GPC5: variants seen among roughly 807,000 people sequenced by gnomAD.
The protein encoded by GPC5 is glypican-5.
A neutral mutation model predicts 53.9 loss-of-function variants in GPC5; 47 were observed. The ratio of observed to expected loss-of-function variants is 0.87; its 90% confidence interval spans 0.69 to 1.11. GPC5 has a LOEUF of 1.11. Among genes scored for constraint, GPC5 ranks in the 50% most tolerant of loss-of-function variants. The probability of loss-of-function intolerance (pLI) is 0.00; values close to 1 mark genes in which losing one functional copy is unlikely to be tolerated. For synonymous variants in GPC5, 286 were observed against 263.3 expected, an observed-to-expected ratio of 1.09 and a Z score of -0.84; for missense variants, 748 against 713.1, an observed-to-expected ratio of 1.05 and a Z score of -0.56.
chr13:92,632,460 CCA>C (rs140483216), intron 7 of GPC5, among the ~76,000 whole-genome samples: 39,693 of 89,766 alleles, frequency 0.44, 6,649 homozygotes, highest in South Asian at 0.56. Context: ...AGAAAATATT[CCA>C]CATATATATA....
intron 5 of GPC5, among the ~76,000 whole-genome samples, chr13:91,815,800 G>A (rs374110652): frequency 3.9e-5 from 6 of 152,202 alleles, no homozygotes; most frequent in Non-Finnish European, 5.9e-5. Context: ...TCTTGAGTTA[G>A]ACATATTTTA....
At chr13:91,868,516 G>A (rs1033226683) in intron 5 of GPC5, among the ~76,000 whole-genome samples, 1 of 151,950 alleles carries the variant, frequency 6.6e-6, no homozygotes, top group African/African-American at 2.4e-5. Flanking sequence ...ACCAGACTGG[G>A]TAATATAGCA....
intron 7 of GPC5, among the ~76,000 whole-genome samples, chr13:92,404,141 A>C (rs1875687474): frequency 6.6e-6 from 1 of 152,220 alleles, no homozygotes; most frequent in South Asian, 2.1e-4. Context: ...ATTACTAGAA[A>C]GGAAGTTAAA....
intron 6 of GPC5, among the ~76,000 whole-genome samples, chr13:92,085,726 C>G (rs549542901): frequency 6.6e-6 from 1 of 152,250 alleles, no homozygotes; most frequent in South Asian, 2.1e-4. Flanking sequence ...TGATGGGAGA[C>G]AGTGACAGAT....
At chr13:91,478,206 T>C (rs890137348) in intron 2 of GPC5, among the ~76,000 whole-genome samples, 1 of 152,148 alleles carries the variant, frequency 6.6e-6, no homozygotes, top group Non-Finnish European at 1.5e-5. Flanking sequence ...TTAAAATTAC[T>C]CTTTTCATTA....
chr13:92,846,119 A>G (rs1429895590), intron 7 of GPC5, among the ~76,000 whole-genome samples: 2 of 152,250 alleles, frequency 1.3e-5, no homozygotes, highest in Non-Finnish European at 1.5e-5. Context: ...GGAAACTTAT[A>G]ATCATAGGAG....
rs1566567506 is a variant in GPC5 at position 92,385,445 on chromosome 13, C to CACAT, written c.1561+240457_1561+240458insCATA. Among the ~76,000 whole-genome samples the CACAT allele has an allele frequency of 1.1e-4, 9 of 83,288 alleles. 1 individual carries two copies. The highest frequency in any genetic ancestry group is 3.9e-4 in the African/African-American group (9 of 23,160). The allele number at this position is 83,288 out of a possible 152,430, so 54.6% of individuals were successfully genotyped here. ...ACATATATACATATATACATATATACATATATACATATATACACATATATA... is the reference window on the plus strand; with the variant it reads ...ACATATATACATATATACATATATACACATATATATACATATATACACATATATA... On this transcript the variant is annotated intron_variant, in intron 7 of 7. Transcript: ENST00000377067.
At position 91,908,023 on chromosome 13, in the gene GPC5, A is replaced by G. The variant is rs2138998152; in HGVS notation, c.1367A>G (p.Asn456Ser). 6.3e-7 allele frequency: 1 copy of G among 1,592,562 alleles called. No homozygotes were observed. Among genetic ancestry groups the G allele is most frequent in the Non-Finnish European group, 8.5e-7 (1 of 1,176,708 alleles). The change falls in exon 6 of 8, where the codon AAT becomes AGT. Residue 456 changes from asparagine (N) to serine (S), a missense_variant. Physicochemically the swap from Asn to Ser is conservative, Grantham distance 46. Transcript: ENST00000377067. ...GTCAAAGGAATTGATCCTGTGATAA[A>G]TCAGATTATTGATAAACTGAAGCAT... ...VKVKGIDPVINQIIDKLKHVV... is the reference protein window; with the variant it reads ...VKVKGIDPVISQIIDKLKHVV...
At chr13:92,523,201 C>CT (rs1262367207) in intron 7 of GPC5, among the ~76,000 whole-genome samples, 2 of 152,084 alleles carry the variant, frequency 1.3e-5, no homozygotes, top group Non-Finnish European at 2.9e-5. Context: ...CAGATATTCA[C>CT]TATTGACCTT....
intron 7 of GPC5, among the ~76,000 whole-genome samples, chr13:92,466,207 ATAG>A (rs1297898904): frequency 7.2e-5 from 11 of 152,196 alleles, no homozygotes; most frequent in East Asian, 3.9e-4. Context: ...TATAGTAGTA[ATAG>A]TAGTAGTATT....
intron 7 of GPC5, among the ~76,000 whole-genome samples, chr13:92,805,312 G>T (rs1223941093): frequency 2.6e-5 from 4 of 152,060 alleles, no homozygotes; most frequent in African/African-American, 9.7e-5. Context: ...AATAACTCAT[G>T]CATCCACAGG....
chr13:92,757,451 C>G (rs1477903013), intron 7 of GPC5, among the ~76,000 whole-genome samples: 1 of 152,144 alleles, frequency 6.6e-6, no homozygotes, highest in Non-Finnish European at 1.5e-5. Flanking sequence ...ACACCAAAAG[C>G]AATGGCAACA....
chr13:92,714,177 A>C (rs1473646559), intron 7 of GPC5, among the ~76,000 whole-genome samples: 2 of 152,162 alleles, frequency 1.3e-5, no homozygotes, highest in African/African-American at 4.8e-5. Context: ...GAAGTCAACA[A>C]ATATAGGAAC....
At chr13:92,641,066 A>T (rs1885580326) in intron 7 of GPC5, among the ~76,000 whole-genome samples, 1 of 152,158 alleles carries the variant, frequency 6.6e-6, no homozygotes, top group Admixed American at 6.5e-5. Flanking sequence ...GAGAATACTT[A>T]TCTTTGGGAA....
At chr13:91,686,032 C>T (rs1212960487) in intron 2 of GPC5, among the ~76,000 whole-genome samples, 2 of 151,728 alleles carry the variant, frequency 1.3e-5, no homozygotes, top group Non-Finnish European at 2.9e-5. Flanking sequence ...AGAAACTCTT[C>T]CGTATAGCTC....
chr13:91,421,573 C>T (rs1878638833), intron 1 of GPC5, among the ~76,000 whole-genome samples: 1 of 152,028 alleles, frequency 6.6e-6, no homozygotes, highest in African/African-American at 2.4e-5. Flanking sequence ...TATTGGCCAA[C>T]AATATTGCAT....
chr13:91,941,860 A>G (rs552173259), intron 6 of GPC5, among the ~76,000 whole-genome samples: 176 of 152,316 alleles, frequency 1.2e-3, no homozygotes, highest in African/African-American at 4.2e-3. Context: ...AAAGCAAGAT[A>G]AAGTTATATT....
intron 5 of GPC5, among the ~76,000 whole-genome samples, chr13:91,902,190 T>C (rs2039504700): frequency 6.6e-6 from 1 of 152,034 alleles, no homozygotes; most frequent in African/African-American, 2.4e-5. Flanking sequence ...CAAATTCTAT[T>C]GTATTCTAAA....
chr13:91,856,962 C>T (rs1452444948), intron 5 of GPC5, among the ~76,000 whole-genome samples: 2 of 146,412 alleles, frequency 1.4e-5, no homozygotes, highest in Non-Finnish European at 1.5e-5. Context: ...TAAGCTTTTT[C>T]TTTTTTTTTT....
Sources: gnomAD v4.1 joint callset for allele counts (sites outside exome capture counted in the v4.1 genomes callset) on GRCh38, gnomAD v4.1.1 for gene constraint, MANE v1.5 for transcripts, NCBI Gene and HGNC (gene_info 2026-07-23, HGNC 2026-07-21) for gene names.